Variants in DLG2 observed in about 807,000 individuals in gnomAD.
The protein encoded by DLG2 is discs large MAGUK scaffold protein 2.
DLG2 carries 45 observed loss-of-function variants against 132.5 expected under a neutral mutation model. That is an observed-to-expected ratio of 0.34 (90% CI 0.27 to 0.44). The LOEUF (loss-of-function observed/expected upper bound fraction) is 0.44, where lower values mean the gene tolerates loss of function less well. Among genes scored for constraint, DLG2 ranks in the 20% least tolerant of loss-of-function variants. The pLI, the probability that DLG2 is intolerant of heterozygous loss-of-function variation, is 1.00. For synonymous variants in DLG2, 424 were observed against 419.6 expected (o/e 1.01, Z -0.13); for missense variants, 1,045 against 1,196.9 (o/e 0.87, Z 1.87).
intron 6 of DLG2, among the ~76,000 whole-genome samples, chr11:84,949,700 T>A (rs1434699094): frequency 1.3e-5 from 2 of 152,232 alleles, no homozygotes; most frequent in African/African-American, 4.8e-5. Flanking sequence ...GTTATCTCTC[T>A]TATTCTCTGA....
At chr11:83,669,463 ATATAT>A (rs1332323426) in intron 18 of DLG2, among the ~76,000 whole-genome samples, 1 of 152,192 alleles carries the variant, frequency 6.6e-6, no homozygotes, top group Non-Finnish European at 1.5e-5. Flanking sequence ...CAATGTATAC[ATATAT>A]TATAGATATG....
chr11:83,626,758 CTG>C (rs944268042), intron 19 of DLG2, among the ~76,000 whole-genome samples: 136 of 152,306 alleles, frequency 8.9e-4, no homozygotes, highest in African/African-American at 3.2e-3. Context: ...GAATGGCCTA[CTG>C]TATATGCAGT....
chr11:84,376,693 C>T (rs1016602216), intron 7 of DLG2, among the ~76,000 whole-genome samples: 1 of 150,694 alleles, frequency 6.6e-6, no homozygotes, highest in African/African-American at 2.4e-5. Flanking sequence ...TTATAAAAGC[C>T]AAAAACCTAA....
rs1191733758 is a variant in DLG2 at position 85,309,324 on chromosome 11, A to T, written c.41-23959T>A. Among the ~76,000 whole-genome samples the T allele has an allele frequency of 2.0e-5, 3 of 152,018 alleles. No individual in the cohort carries two copies. The East Asian group carries it at 5.8e-4, about 29-fold the overall frequency. On this transcript the variant is annotated intron_variant, in intron 3 of 27. Transcript: ENST00000376104. ...GTATAAAAGATTGCTATCTTAAGCC[A>T]CTGAGTTTTGGGATGGCTTATTATG...
chr11:84,465,310 T>A (rs2099091253), intron 7 of DLG2, among the ~76,000 whole-genome samples: 1 of 151,250 alleles, frequency 6.6e-6, no homozygotes, highest in African/African-American at 2.4e-5. Context: ...ACCAGATGGC[T>A]TCTGCCAGTG....
intron 6 of DLG2, among the ~76,000 whole-genome samples, chr11:84,750,561 T>C (rs896875976): frequency 1.3e-5 from 2 of 152,132 alleles, no homozygotes. Flanking sequence ...CTCAATGTTT[T>C]TAATAGTTAT....
At chr11:83,512,667 T>G (rs550552267) in intron 21 of DLG2, among the ~76,000 whole-genome samples, 1 of 152,140 alleles carries the variant, frequency 6.6e-6, no homozygotes, top group Non-Finnish European at 1.5e-5. Flanking sequence ...TATCTCCTAA[T>G]GCTATCCCTC....
intron 6 of DLG2, among the ~76,000 whole-genome samples, chr11:84,965,000 T>C (rs868145781): frequency 6.6e-6 from 1 of 152,244 alleles, no homozygotes; most frequent in African/African-American, 2.4e-5. Context: ...AATTCATAAT[T>C]ATCTTTGGAA....
chr11:84,126,126 TG>T (rs1181313659), intron 9 of DLG2, among the ~76,000 whole-genome samples: 1 of 152,108 alleles, frequency 6.6e-6, no homozygotes, highest in African/African-American at 2.4e-5. Flanking sequence ...GTGTAACTCA[TG>T]GGGCACAGTA....
At chr11:84,904,170 C>T (rs2091245778) in intron 6 of DLG2, among the ~76,000 whole-genome samples, 1 of 152,188 alleles carries the variant, frequency 6.6e-6, no homozygotes, top group Non-Finnish European at 1.5e-5. Context: ...AGCAGAGCAA[C>T]TAGACCCATA....
intron 6 of DLG2, among the ~76,000 whole-genome samples, chr11:84,666,525 T>C (rs1021427941): frequency 6.6e-6 from 1 of 152,074 alleles, no homozygotes; most frequent in African/African-American, 2.4e-5. Context: ...ATTGGTTCTG[T>C]TTCTCTGGAG....
chr11:85,131,871 G>A (rs1247661922), intron 5 of DLG2, among the ~76,000 whole-genome samples: 2 of 152,088 alleles, frequency 1.3e-5, no homozygotes, highest in Non-Finnish European at 2.9e-5. Flanking sequence ...TATTAATTTT[G>A]TTATGTTTAA....
rs1274580155 is a variant in DLG2, at chr11:84,867,557, A to G, written c.357+244104T>C. ...ATCAGCAGCATTATTAGAACAAAGA[A>G]GAGATTTGAACAAAGTAAAAACTTA... On this transcript the variant is annotated intron_variant, in intron 6 of 27. Transcript: ENST00000376104. Among the ~76,000 whole-genome samples, 5 of 152,216 alleles carry G rather than the reference A, an allele frequency of 3.3e-5. No homozygotes were observed. In the East Asian group the frequency reaches 9.6e-4, roughly 29 times the overall value.
intron 19 of DLG2, among the ~76,000 whole-genome samples, chr11:83,591,157 C>A (rs1304403328): frequency 2.7e-5 from 4 of 149,502 alleles, no homozygotes; most frequent in Non-Finnish European, 6.0e-5. Context: ...CAGCATCATC[C>A]TGATACCAAA....
chr11:84,382,661 T>C (rs2154434548), intron 7 of DLG2, among the ~76,000 whole-genome samples: 1 of 152,288 alleles, frequency 6.6e-6, no homozygotes, highest in East Asian at 1.9e-4. Context: ...TTTGGCTTTC[T>C]ATAAGGAATT....
intron 6 of DLG2, chr11:84,720,480 G>C: frequency 6.1e-6 from 6 of 985,202 alleles, no homozygotes; most frequent in Non-Finnish European, 7.2e-6. Context: ...AGCCTAGACC[G>C]AGCTGCCGCT....
At chr11:84,420,239 C>T (rs1327736518) in intron 7 of DLG2, among the ~76,000 whole-genome samples, 1 of 152,148 alleles carries the variant, frequency 6.6e-6, no homozygotes, top group Non-Finnish European at 1.5e-5. Context: ...CATAATATAG[C>T]TGAAAACGGA....
intron 7 of DLG2, among the ~76,000 whole-genome samples, chr11:84,420,870 G>A (rs1408065622): frequency 1.3e-4 from 20 of 150,712 alleles, no homozygotes; most frequent in African/African-American, 4.4e-4. Context: ...GGGTTTCACC[G>A]TTTTAGCCAG....
intron 19 of DLG2, among the ~76,000 whole-genome samples, chr11:83,551,242 A>G (rs1249382119): frequency 6.6e-6 from 1 of 152,178 alleles, no homozygotes; most frequent in Non-Finnish European, 1.5e-5. Context: ...GTCTAAAAAA[A>G]TCTAAATTTT....
Sources: gnomAD v4.1 joint callset for allele counts (sites outside exome capture counted in the v4.1 genomes callset) on GRCh38, gnomAD v4.1.1 for gene constraint, MANE v1.5 for transcripts, NCBI Gene and HGNC (gene_info 2026-07-23, HGNC 2026-07-21) for gene names.